The following DCBLD1 variants were observed in gnomAD, a reference collection of about 807,000 sequenced individuals.
DCBLD1 encodes the protein discoidin, CUB and LCCL domain-containing protein 1.
A neutral mutation model predicts 71.5 loss-of-function variants in DCBLD1; 57 were observed. The ratio of observed to expected loss-of-function variants is 0.80; its 90% CI spans 0.64 to 0.99. The LOEUF (loss-of-function observed/expected upper bound fraction) is 0.99, where lower values mean the gene tolerates loss of function less well. DCBLD1 is among the 50% of genes least tolerant of loss of function. The probability of loss-of-function intolerance (pLI) is 0.00; values close to 1 mark genes in which losing one functional copy is unlikely to be tolerated. For missense variants in DCBLD1, 891 were observed against 923.5 expected, an observed-to-expected ratio of 0.96 and a Z score of 0.46; for synonymous variants, 380 against 363.8, an observed-to-expected ratio of 1.04 and a Z score of -0.51.
chr6:117,513,176 T>C (rs1273010085), intron 2 of DCBLD1, among the ~76,000 whole-genome samples: 2 of 152,212 alleles, frequency 1.3e-5, no homozygotes, highest in East Asian at 3.9e-4. Flanking sequence ...GATTTCAGAC[T>C]TGGCTTGTAG....
intron 14 of DCBLD1, chr6:117,563,129 G>A: frequency 1.2e-6 from 1 of 806,704 alleles, no homozygotes; most frequent in Non-Finnish European, 2.0e-6. Flanking sequence ...GAAGCCCTGA[G>A]GTACCCGCCT....
At position 117,538,507 on chromosome 6, in the gene DCBLD1, A is replaced by G. The variant is rs1189716913; in HGVS notation, c.761-113A>G. The G allele has an allele frequency of 5.2e-6, 5 of 964,364 alleles. No homozygotes were observed. In the Admixed American group the frequency reaches 7.2e-5, roughly 14 times the overall value. 59.7% of individuals were successfully genotyped at this position (964,364 alleles called of 1,614,324 possible). A position where few individuals can be genotyped will look rare whatever the true frequency, so the allele number is the denominator to read the frequency against. On this transcript the variant is annotated intron_variant, in intron 7 of 14. Transcript: ENST00000338728. Reference sequence around the variant, plus strand: ...CTGGTAATTAAACACTTTATTCCATATCAGAATAAAAGTCAACTAGTTGAA... The same window carrying G: ...CTGGTAATTAAACACTTTATTCCATGTCAGAATAAAAGTCAACTAGTTGAA...
At chr6:117,525,640 T>C (rs1471920690) in intron 5 of DCBLD1, among the ~76,000 whole-genome samples, 1 of 152,228 alleles carries the variant, frequency 6.6e-6, no homozygotes, top group Non-Finnish European at 1.5e-5. Context: ...CTAAGCTTAC[T>C]ATAAATGAAA....
chr6:117,544,291 A>T, intron 12 of DCBLD1: 1 of 411,060 alleles, frequency 2.4e-6, no homozygotes, highest in Middle Eastern at 6.2e-4. Flanking sequence ...AATATGCAAA[A>T]TAAGATTAGT....
intron 14 of DCBLD1, among the ~76,000 whole-genome samples, chr6:117,565,177 A>G (rs1232491469): frequency 6.6e-6 from 1 of 152,236 alleles, no homozygotes; most frequent in African/African-American, 2.4e-5. Flanking sequence ...AAACAAAAAA[A>G]TTCTAGTTAG....
intron 6 of DCBLD1, among the ~76,000 whole-genome samples, chr6:117,533,546 A>G (rs1778792297): frequency 6.6e-6 from 1 of 152,170 alleles, no homozygotes; most frequent in Admixed American, 6.5e-5. Context: ...TATTTTAGTT[A>G]GCAATGTCAT....
At chr6:117,558,045 G>A (rs1779518322) in intron 14 of DCBLD1, among the ~76,000 whole-genome samples, 1 of 152,152 alleles carries the variant, frequency 6.6e-6, no homozygotes, top group Non-Finnish European at 1.5e-5. Flanking sequence ...GAGAAGCGTG[G>A]GCTTCTTCTT....
chr6:117,553,558 A>T (rs1004286693), downstream of DCBLD1, among the ~76,000 whole-genome samples: 1 of 151,964 alleles, frequency 6.6e-6, no homozygotes, highest in African/African-American at 2.4e-5. Context: ...CTAATTACCT[A>T]TTGTCTTTCT....
At chr6:117,503,706 A>G (rs1396293389) in intron 1 of DCBLD1, 61 bp from the exon 2 acceptor site, 3 of 1,568,268 alleles carry the variant, frequency 1.9e-6, no homozygotes, top group African/African-American at 1.4e-5. Context: ...TGGACTCTCA[A>G]TCCTCAGTAA....
At chr6:117,526,286 T>G (rs1583009000) in intron 5 of DCBLD1, among the ~76,000 whole-genome samples, 1 of 152,324 alleles carries the variant, frequency 6.6e-6, no homozygotes, top group Middle Eastern at 3.4e-3. Flanking sequence ...GTTTTTTTAT[T>G]TACAAGATTG....
chr6:117,545,599 TA>T lies in DCBLD1; in HGVS notation c.1615+4del. ...ATCTCATCACAAGTGATATGGCAGG[TA>T]AGTGTCATATTTCTAGGACTGTGCT... On this transcript the variant is annotated splice_donor_region_variant and intron_variant, in intron 14 of 14. Transcript: ENST00000338728. 1 of 1,607,666 alleles carries T rather than the reference TA, an allele frequency of 6.2e-7. No individual in the cohort carries two copies. The highest frequency in any genetic ancestry group is 8.5e-7 in the Non-Finnish European group (1 of 1,177,390).
intron 1 of DCBLD1, chr6:117,494,638 A>G (rs1777410884): frequency 5.3e-5 from 8 of 152,066 alleles, no homozygotes; most frequent in Admixed American, 4.6e-4. Flanking sequence ...AACTTCTCTT[A>G]ACCAATGTGT....
chr6:117,496,778 T>A (rs1169986332), intron 1 of DCBLD1, among the ~76,000 whole-genome samples: 18 of 152,222 alleles, frequency 1.2e-4, no homozygotes, highest in Non-Finnish European at 4.4e-5. Context: ...TGAAATCACT[T>A]CAGTAGGCAC....
At chr6:117,520,319 C>A (rs1172024894) in intron 3 of DCBLD1, among the ~76,000 whole-genome samples, 2 of 152,094 alleles carry the variant, frequency 1.3e-5, no homozygotes, top group Non-Finnish European at 2.9e-5. Flanking sequence ...TGCATGTGGC[C>A]CAAGGGGCAT....
At chr6:117,542,072 TG>T (rs1779114637) in intron 11 of DCBLD1, among the ~76,000 whole-genome samples, 1 of 152,026 alleles carries the variant, frequency 6.6e-6, no homozygotes, top group Admixed American at 6.5e-5. Context: ...GCGGGCGGAT[TG>T]CCTGAGCTCA....
At chr6:117,522,672 AC>A (rs1778424594) in intron 4 of DCBLD1, among the ~76,000 whole-genome samples, 1 of 152,040 alleles carries the variant, frequency 6.6e-6, no homozygotes, top group Admixed American at 6.6e-5. Flanking sequence ...TAACTTCTGG[AC>A]TCAGCTTCCC....
chr6:117,498,358 GGA>G (rs141400250), intron 1 of DCBLD1, among the ~76,000 whole-genome samples: 2,452 of 152,238 alleles, frequency 0.016, 53 homozygotes, highest in African/African-American at 0.056. Flanking sequence ...TAGAAGAGGA[GGA>G]AATGATACTT....
At chr6:117,546,761 A>G (rs1466778024) in intron 14 of DCBLD1, among the ~76,000 whole-genome samples, 4 of 152,026 alleles carry the variant, frequency 2.6e-5, no homozygotes, top group African/African-American at 9.7e-5. Flanking sequence ...CCTTCCCTGC[A>G]TGTTTGTCCA....
At chr6:117,552,154 G>A (rs1779438448), downstream of DCBLD1, among the ~76,000 whole-genome samples, 1 of 152,064 alleles carries the variant, frequency 6.6e-6, no homozygotes, top group Admixed American at 6.6e-5. Context: ...AGAGAAAATA[G>A]CACAGGTTTA....
Sources: allele counts gnomAD v4.1 joint callset (sites outside exome capture counted in the v4.1 genomes callset), GRCh38; gene constraint gnomAD v4.1.1; transcripts MANE v1.5; gene names NCBI Gene and HGNC (gene_info 2026-07-23, HGNC 2026-07-21).